The following PDZD2 variants were observed in gnomAD, a reference collection of about 807,000 sequenced individuals.
The protein encoded by PDZD2 is PDZ domain containing 2.
In PDZD2, 90 loss-of-function variants were observed where a neutral mutation model predicts 220.7. That is an observed-to-expected ratio of 0.41 (90% confidence interval 0.34 to 0.49). The LOEUF (loss-of-function observed/expected upper bound fraction) is 0.49, where lower values mean the gene tolerates loss of function less well. Ranked by LOEUF, PDZD2 falls within the 20% of genes least tolerant of loss-of-function variation. PDZD2 has a pLI of 0.28. For missense variants in PDZD2, 3,174 were observed against 3,608.5 expected (o/e 0.88, Z 3.08); for synonymous variants, 1,375 against 1,450.5 (o/e 0.95, Z 1.18).
At chr5:31,939,817 T>C (rs1211696841) in intron 2 of PDZD2, among the ~76,000 whole-genome samples, 3 of 152,188 alleles carry the variant, frequency 2.0e-5, no homozygotes, top group African/African-American at 7.2e-5. Context: ...AGACATCTAT[T>C]TATCATTTTT....
chr5:31,914,776 A>G (rs1361390746), intron 2 of PDZD2, among the ~76,000 whole-genome samples: 6 of 152,202 alleles, frequency 3.9e-5, no homozygotes, highest in Admixed American at 1.3e-4. Flanking sequence ...ATTGAAATTG[A>G]GGCTATGCTG....
At chr5:31,761,860 C>CAAA (rs112422855) in intron 1 of PDZD2, among the ~76,000 whole-genome samples, 4 of 126,626 alleles carry the variant, frequency 3.2e-5, no homozygotes, top group Non-Finnish European at 5.0e-5. Flanking sequence ...AACTACATCT[C>CAAA]AAAAAAAAAA....
intron 3 of PDZD2, among the ~76,000 whole-genome samples, chr5:31,984,867 G>T (rs1396640502): frequency 1.3e-5 from 2 of 152,176 alleles, no homozygotes; most frequent in Non-Finnish European, 2.9e-5. Flanking sequence ...TTTGTCTGCT[G>T]AGAAATGGTG....
intron 7 of PDZD2, among the ~76,000 whole-genome samples, chr5:32,039,660 G>A (rs1755868973): frequency 6.6e-6 from 1 of 151,758 alleles, no homozygotes; most frequent in African/African-American, 2.4e-5. Flanking sequence ...TAGGAAGTGA[G>A]CCTCTGCCTG....
chr5:32,024,525 C>T (rs893741142), intron 6 of PDZD2, among the ~76,000 whole-genome samples: 3 of 151,754 alleles, frequency 2.0e-5, no homozygotes, highest in Non-Finnish European at 2.9e-5. Context: ...TCTACTAAAA[C>T]TACAAAAATT....
At chr5:32,105,801 T>G (rs1744707084) in intron 24 of PDZD2, among the ~76,000 whole-genome samples, 1 of 152,262 alleles carries the variant, frequency 6.6e-6, no homozygotes, top group African/African-American at 2.4e-5. Context: ...AGACATATCC[T>G]GCTCAAATCT....
At chr5:31,672,918 T>C (rs909655630) in intron 1 of PDZD2, among the ~76,000 whole-genome samples, 2 of 152,246 alleles carry the variant, frequency 1.3e-5, no homozygotes, top group Non-Finnish European at 2.9e-5. Context: ...AAACACTTTG[T>C]AGACTTCTAG....
intron 1 of PDZD2, among the ~76,000 whole-genome samples, chr5:31,762,857 T>C (rs905174740): frequency 6.6e-5 from 10 of 152,098 alleles, no homozygotes; most frequent in Non-Finnish European, 1.5e-4. Flanking sequence ...CTAGTGTCCT[T>C]CCCCTGTGGA....
At chr5:31,952,357 T>C (rs998970656) in intron 2 of PDZD2, among the ~76,000 whole-genome samples, 7 of 152,248 alleles carry the variant, frequency 4.6e-5, no homozygotes, top group Non-Finnish European at 8.8e-5. Flanking sequence ...TGATTTATGA[T>C]CTGGTAAAAG....
intron 7 of PDZD2, among the ~76,000 whole-genome samples, chr5:32,042,333 G>T (rs1277249965): frequency 1.3e-5 from 2 of 151,554 alleles, no homozygotes; most frequent in Non-Finnish European, 2.9e-5. Flanking sequence ...AGGCCGAGGC[G>T]GGTGGATCAC....
intron 1 of PDZD2, among the ~76,000 whole-genome samples, chr5:31,750,449 G>A (rs1051664218): frequency 2.6e-5 from 4 of 152,170 alleles, no homozygotes; most frequent in Non-Finnish European, 2.9e-5. Context: ...ACGCTACAGC[G>A]AACAAAACAA....
chr5:31,731,395 T>C (rs772053667), intron 1 of PDZD2, among the ~76,000 whole-genome samples: 1 of 152,216 alleles, frequency 6.6e-6, no homozygotes, highest in Non-Finnish European at 1.5e-5. Flanking sequence ...ATGTCCGCAA[T>C]GTTGTGCAAC....
At chr5:31,949,736 G>A (rs1001727280) in intron 2 of PDZD2, among the ~76,000 whole-genome samples, 1 of 148,434 alleles carries the variant, frequency 6.7e-6, no homozygotes, top group Non-Finnish European at 1.5e-5. Flanking sequence ...GTGGTGGTGC[G>A]ATCTCAGCTC....
At position 32,089,927 on chromosome 5, in the gene PDZD2, GATC is replaced by G; in HGVS notation, c.6482_6484del (p.Ser2161del). On this transcript the variant is annotated inframe_deletion, in exon 20 of 25. Transcript: ENST00000438447. Reference sequence around the variant, plus strand: ...TCCCAGGCAGAGCAGGAAATGTCACGATCATTCAGCATGGCAAAACTGGCGTCC... The same window carrying G: ...TCCCAGGCAGAGCAGGAAATGTCACGATTCAGCATGGCAAAACTGGCGTCC... 6.2e-7 allele frequency: 1 copy of G among 1,611,312 alleles called. No homozygotes were observed. Among genetic ancestry groups the G allele is most frequent in the Non-Finnish European group, 8.5e-7 (1 of 1,178,510 alleles).
intron 2 of PDZD2, among the ~76,000 whole-genome samples, chr5:31,897,931 G>T (rs1259711416): frequency 1.3e-5 from 2 of 151,890 alleles, no homozygotes; most frequent in Non-Finnish European, 2.9e-5. Flanking sequence ...TTTTTGGCTG[G>T]GTTTCACCGT....
At chr5:31,681,373 A>G (rs1746644071) in intron 1 of PDZD2, among the ~76,000 whole-genome samples, 1 of 152,074 alleles carries the variant, frequency 6.6e-6, no homozygotes, top group Non-Finnish European at 1.5e-5. Flanking sequence ...CAGCTTCCCG[A>G]GCAGCTGGGA....
At chr5:32,002,894 A>C (rs1230063685) in intron 5 of PDZD2, among the ~76,000 whole-genome samples, 24 of 93,738 alleles carry the variant, frequency 2.6e-4, no homozygotes, top group Non-Finnish European at 3.9e-4. Context: ...CACACACACC[A>C]ACACACACCC....
At chr5:32,062,114 C>T (rs1739748496) in intron 14 of PDZD2, among the ~76,000 whole-genome samples, 1 of 152,106 alleles carries the variant, frequency 6.6e-6, no homozygotes, top group Non-Finnish European at 1.5e-5. Flanking sequence ...AGGAATGTTT[C>T]CTTCTTAATG....
At chr5:31,737,426 C>T (rs1749971047) in intron 1 of PDZD2, among the ~76,000 whole-genome samples, 2 of 152,116 alleles carry the variant, frequency 1.3e-5, no homozygotes, top group Admixed American at 1.3e-4. Context: ...CCCGCCTTGG[C>T]CTCCCAAAGT....
Sources: gnomAD v4.1 joint callset for allele counts (sites outside exome capture counted in the v4.1 genomes callset) on GRCh38, gnomAD v4.1.1 for gene constraint, MANE v1.5 for transcripts, NCBI Gene and HGNC (gene_info 2026-07-23, HGNC 2026-07-21) for gene names.